Variants in DCC observed in about 807,000 individuals in gnomAD.
DCC encodes the protein DCC netrin 1 receptor, also known as netrin receptor DCC.
DCC carries 58 observed loss-of-function variants against 172.5 expected under a neutral mutation model. The observed-to-expected ratio is 0.34, with a 90% CI of 0.27 to 0.42. The LOEUF is 0.42. DCC is among the 10% of genes least tolerant of loss of function. The probability of loss-of-function intolerance (pLI) is 1.00; values close to 1 mark genes in which losing one functional copy is unlikely to be tolerated. For missense variants in DCC, 1,740 were observed against 1,791.0 expected, an observed-to-expected ratio of 0.97 and a Z score of 0.51; for synonymous variants, 709 against 644.5, an observed-to-expected ratio of 1.10 and a Z score of -1.52.
intron 1 of DCC, among the ~76,000 whole-genome samples, chr18:52,432,170 T>C (rs1568167690): frequency 6.6e-6 from 1 of 152,162 alleles, no homozygotes; most frequent in South Asian, 2.1e-4. Context: ...CTGGGTTTCA[T>C]TGACCACTGC....
At chr18:52,601,348 A>T (rs995366008) in intron 1 of DCC, among the ~76,000 whole-genome samples, 2 of 152,022 alleles carry the variant, frequency 1.3e-5, no homozygotes, top group Non-Finnish European at 2.9e-5. Context: ...TTTGTAGTTT[A>T]CACTTTTTTT....
At chr18:52,464,074 AT>A (rs1988710509) in intron 1 of DCC, among the ~76,000 whole-genome samples, 1 of 152,126 alleles carries the variant, frequency 6.6e-6, no homozygotes. Context: ...TTTTATGTAT[AT>A]GTGTTTGGTT....
chr18:52,965,424 A>G (rs948138725), intron 5 of DCC, among the ~76,000 whole-genome samples: 1 of 152,166 alleles, frequency 6.6e-6, no homozygotes, highest in Non-Finnish European at 1.5e-5. Flanking sequence ...GTAATTTTTT[A>G]AAGTACAAAT....
chr18:52,553,262 G>A (rs141995912), intron 1 of DCC, among the ~76,000 whole-genome samples: 10 of 152,034 alleles, frequency 6.6e-5, no homozygotes, highest in Non-Finnish European at 8.8e-5. Flanking sequence ...AGCAGCTGAT[G>A]GTGTAATACC....
intron 5 of DCC, among the ~76,000 whole-genome samples, chr18:52,939,675 T>C (rs796640999): frequency 2.0e-5 from 3 of 152,164 alleles, no homozygotes; most frequent in East Asian, 3.9e-4. Context: ...TTTTTAATAT[T>C]TATTTTTCTC....
chr18:52,815,220 T>C (rs1335389869), intron 2 of DCC, among the ~76,000 whole-genome samples: 2 of 152,136 alleles, frequency 1.3e-5, no homozygotes, highest in Non-Finnish European at 2.9e-5. Context: ...TTGACATGAA[T>C]TGTGTCCCCT....
intron 15 of DCC, among the ~76,000 whole-genome samples, chr18:53,367,029 CCTAA>C (rs1430941235): frequency 6.6e-6 from 1 of 152,050 alleles, no homozygotes; most frequent in Non-Finnish European, 1.5e-5. Flanking sequence ...TTGTCTGTAC[CCTAA>C]CTAATAAAAT....
chr18:53,153,777 G>A (rs190260299), intron 7 of DCC, among the ~76,000 whole-genome samples: 145 of 152,298 alleles, frequency 9.5e-4, no homozygotes, highest in African/African-American at 3.4e-3. Context: ...GGCTTGTTAA[G>A]GTTTGGGATC....
chr18:52,653,462 T>A (rs186294906), intron 1 of DCC, among the ~76,000 whole-genome samples: 1 of 152,322 alleles, frequency 6.6e-6, no homozygotes, highest in East Asian at 1.9e-4. Context: ...GAATTATTGA[T>A]CTTAGTAATC....
At chr18:52,979,365 A>G (rs189387778) in intron 5 of DCC, among the ~76,000 whole-genome samples, 103 of 152,268 alleles carry the variant, frequency 6.8e-4, no homozygotes, top group African/African-American at 2.3e-3. Flanking sequence ...GTGAAGGAGC[A>G]TTTACCCAAG....
chr18:52,483,962 A>C (rs1462579685), intron 1 of DCC, among the ~76,000 whole-genome samples: 1 of 152,104 alleles, frequency 6.6e-6, no homozygotes, highest in African/African-American at 2.4e-5. Context: ...TATTTCTGCT[A>C]CCATATGTTT....
At chr18:53,336,765 A>G (rs1263897109) in intron 14 of DCC, among the ~76,000 whole-genome samples, 3 of 152,202 alleles carry the variant, frequency 2.0e-5, no homozygotes, top group African/African-American at 4.8e-5. Flanking sequence ...AGTCCCAGCT[A>G]CTAGGGAGGT....
At chr18:52,434,272 G>A (rs957162741) in intron 1 of DCC, among the ~76,000 whole-genome samples, 1 of 152,100 alleles carries the variant, frequency 6.6e-6, no homozygotes, top group African/African-American at 2.4e-5. Context: ...AATGTCTAGA[G>A]ATATTTTTGG....
In DCC at chr18:53,402,989, T is replaced by G. The variant is rs150449224; in HGVS notation, c.2935+96T>G. The G allele has an allele frequency of 1.6e-4, 142 of 875,022 alleles. No individual in the cohort carries two copies. In the East Asian group the frequency reaches 3.4e-3, roughly 21 times the overall value. The allele number at this position is 875,022 out of a possible 1,614,324, so 54.2% of individuals were successfully genotyped here. A position where few individuals can be genotyped will look rare whatever the true frequency, so the allele number is the denominator to read the frequency against. On this transcript the variant is annotated intron_variant, in intron 19 of 28. Coordinates refer to ENST00000442544, the MANE Select transcript of DCC (RefSeq NM_005215.4). ...TGCTCCTGCCTTTCGTGTGGCATTA[T>G]TCTGTCCCTACATCTCAGCTGACTC...
chr18:52,434,954 T>C (rs761039056), intron 1 of DCC, among the ~76,000 whole-genome samples: 7 of 152,244 alleles, frequency 4.6e-5, no homozygotes, highest in Non-Finnish European at 7.3e-5. Flanking sequence ...TGTTTGCTTT[T>C]ATTTTTACCT....
intron 15 of DCC, among the ~76,000 whole-genome samples, chr18:53,384,477 C>T (rs1458746338): frequency 1.3e-5 from 2 of 152,058 alleles, no homozygotes; most frequent in Non-Finnish European, 2.9e-5. Context: ...GATCTTCCTT[C>T]TCTAACTTCA....
intron 5 of DCC, among the ~76,000 whole-genome samples, chr18:53,061,464 A>T (rs1452489240): frequency 1.3e-5 from 2 of 152,186 alleles, no homozygotes; most frequent in Non-Finnish European, 2.9e-5. Flanking sequence ...TGTAGACATA[A>T]TGATTTCAGA....
intron 2 of DCC, among the ~76,000 whole-genome samples, chr18:52,821,112 C>T (rs2038397869): frequency 6.6e-6 from 1 of 152,156 alleles, no homozygotes; most frequent in Non-Finnish European, 1.5e-5. Context: ...TCCTTATCTA[C>T]TACATTCATT....
chr18:53,125,301 C>T (rs4548946), intron 7 of DCC, among the ~76,000 whole-genome samples: 46,940 of 151,828 alleles, frequency 0.31, 9,064 homozygotes, highest in East Asian at 0.58. Flanking sequence ...AGAATTTCTT[C>T]TCCCATTAAT....
Sources: gnomAD v4.1 joint callset for allele counts (sites outside exome capture counted in the v4.1 genomes callset) on GRCh38, gnomAD v4.1.1 for gene constraint, MANE v1.5 for transcripts, NCBI Gene and HGNC (gene_info 2026-07-23, HGNC 2026-07-21) for gene names.